The following RBFOX1 variants were observed in gnomAD, a reference collection of about 807,000 sequenced individuals.
RBFOX1 encodes RNA binding fox-1 homolog 1, also known as RNA binding protein fox-1 homolog 1.
A neutral mutation model predicts 57.7 loss-of-function variants in RBFOX1; 8 were observed. The ratio of observed to expected loss-of-function variants is 0.14; its 90% CI spans 0.08 to 0.25. The LOEUF (loss-of-function observed/expected upper bound fraction) is 0.25. Among genes scored for constraint, RBFOX1 ranks in the 10% least tolerant of loss-of-function variants. The pLI, the probability that RBFOX1 is intolerant of heterozygous loss-of-function variation, is 1.00. For synonymous variants in RBFOX1, 326 were observed against 222.4 expected (o/e 1.47, Z -4.15); for missense variants, 611 against 548.5 (o/e 1.11, Z -1.14).
chr16:7,047,962 T>TC (rs921539338), intron 3 of RBFOX1, among the ~76,000 whole-genome samples: 12 of 151,870 alleles, frequency 7.9e-5, no homozygotes, highest in Admixed American at 7.9e-4. Context: ...CACTGCAACC[T>TC]CCCCCTGCCG....
chr16:6,973,923 C>G (rs2153574474), intron 3 of RBFOX1, among the ~76,000 whole-genome samples: 1 of 152,246 alleles, frequency 6.6e-6, no homozygotes, highest in East Asian at 1.9e-4. Context: ...ATCCCTAATG[C>G]TCGTCCCCTC....
At chr16:7,380,213 T>G (rs1263280482) in intron 4 of RBFOX1, among the ~76,000 whole-genome samples, 4 of 152,158 alleles carry the variant, frequency 2.6e-5, no homozygotes, top group Non-Finnish European at 5.9e-5. Flanking sequence ...CATCATGATT[T>G]TAGAGTCAGA....
In RBFOX1 at chr16:6,562,221, G is replaced by GT. The variant is rs2097188196; in HGVS notation, c.-63-92381dup. Reference sequence around the variant, plus strand: ...ACTTGGGTGCCAGCCCTCTGAACTTGTATCAGTGATTTAACCACTTTAAGA... The same window carrying GT: ...ACTTGGGTGCCAGCCCTCTGAACTTGTTATCAGTGATTTAACCACTTTAAGA... On this transcript the variant is annotated intron_variant, in intron 2 of 15. Transcript: ENST00000550418. Among the ~76,000 whole-genome samples, 5 of 152,314 alleles carry GT rather than the reference G, an allele frequency of 3.3e-5. No individual in the cohort carries two copies. In the South Asian group the frequency reaches 1.0e-3, roughly 32 times the overall value.
At chr16:5,764,073 A>G (rs1222821983) in intron 3 of RBFOX1, among the ~76,000 whole-genome samples, 1 of 152,192 alleles carries the variant, frequency 6.6e-6, no homozygotes, top group East Asian at 1.9e-4. Flanking sequence ...TGTCTAATAA[A>G]TACTTAACTA....
chr16:6,005,904 T>A (rs1567247103), intron 4 of RBFOX1, among the ~76,000 whole-genome samples: 1 of 152,148 alleles, frequency 6.6e-6, no homozygotes, highest in Non-Finnish European at 1.5e-5. Context: ...TGCAGTGGGA[T>A]GACAGAAGAG....
At chr16:5,761,167 G>T (rs181675469) in intron 3 of RBFOX1, among the ~76,000 whole-genome samples, 1 of 152,168 alleles carries the variant, frequency 6.6e-6, no homozygotes, top group Admixed American at 6.5e-5. Context: ...CTGTAGATGT[G>T]GGAGGCAGGG....
intron 4 of RBFOX1, among the ~76,000 whole-genome samples, chr16:7,181,533 GCTCT>G (rs1030619079): frequency 6.8e-6 from 1 of 147,234 alleles, no homozygotes; most frequent in Non-Finnish European, 1.5e-5. Flanking sequence ...TCCCTCCCTT[GCTCT>G]CTCTCTCTTT....
chr16:7,557,626 AAAAAAAAAAAAAAAAAGAAAAAG>A (rs895658144), intron 5 of RBFOX1, among the ~76,000 whole-genome samples: 8 of 118,284 alleles, frequency 6.8e-5, no homozygotes, highest in African/African-American at 2.1e-4. Context: ...TCTCAAAAAA[AAAAAAAAAAAAAAAAAGAAAAAG>A]AAAAAAAAAA....
chr16:6,458,674 C>T (rs573940330), intron 2 of RBFOX1, among the ~76,000 whole-genome samples: 46 of 152,308 alleles, frequency 3.0e-4, no homozygotes, highest in African/African-American at 1.0e-3. Flanking sequence ...CCTCAAACCA[C>T]AGGGAAAACA....
At chr16:7,498,716 A>G (rs1338200525) in intron 4 of RBFOX1, among the ~76,000 whole-genome samples, 2 of 152,082 alleles carry the variant, frequency 1.3e-5, no homozygotes, top group African/African-American at 2.4e-5. Flanking sequence ...CCACATTTCA[A>G]CACCCAATGA....
rs986391611 is a variant in RBFOX1 at position 6,860,014 on chromosome 16, G to C, written c.-15-192043G>C. Among the ~76,000 whole-genome samples the C allele has an allele frequency of 1.2e-4, 18 of 152,320 alleles. No individual in the cohort carries two copies. The South Asian group carries it at 3.7e-3, about 32-fold the overall frequency. On this transcript the variant is annotated intron_variant, in intron 3 of 15. Coordinates refer to ENST00000550418, the MANE Select transcript of RBFOX1 (RefSeq NM_018723.4). The stretch of plus-strand genomic sequence containing the variant: ...TGCTCATTGACTGTAAAGTGTAGGA[G>C]TTAACACCACAAGGGTACCTGATGG...
intron 4 of RBFOX1, among the ~76,000 whole-genome samples, chr16:7,230,229 G>C (rs1165685269): frequency 3.3e-5 from 5 of 151,870 alleles, no homozygotes; most frequent in African/African-American, 1.2e-4. Context: ...GAAGACATTT[G>C]GGAAATGATG....
chr16:6,690,761 T>TCTTTC (rs201685234), intron 3 of RBFOX1, among the ~76,000 whole-genome samples: 7 of 149,930 alleles, frequency 4.7e-5, no homozygotes, highest in African/African-American at 1.5e-4. Context: ...TTTCTTTCTT[T>TCTTTC]TTTTTTTTTT....
chr16:7,525,143 A>G (rs972665449), intron 5 of RBFOX1, among the ~76,000 whole-genome samples: 11 of 152,076 alleles, frequency 7.2e-5, no homozygotes, highest in Non-Finnish European at 1.6e-4. Context: ...TATCTCTATC[A>G]TCTGTCTCTA....
At chr16:5,705,859 A>G (rs2051227097) in intron 3 of RBFOX1, among the ~76,000 whole-genome samples, 3 of 152,338 alleles carry the variant, frequency 2.0e-5, no homozygotes, top group Admixed American at 6.5e-5. Context: ...TGGAAACAAA[A>G]TAGGTGCCTG....
At chr16:5,510,503 T>TTTG (rs2050448521) in intron 2 of RBFOX1, among the ~76,000 whole-genome samples, 1 of 151,760 alleles carries the variant, frequency 6.6e-6, no homozygotes, top group South Asian at 2.1e-4. Context: ...CCCACCAAGT[T>TTTG]TTGGCCAAAG....
At chr16:7,287,487 A>T (rs1033522900) in intron 4 of RBFOX1, among the ~76,000 whole-genome samples, 5 of 152,196 alleles carry the variant, frequency 3.3e-5, no homozygotes, top group Non-Finnish European at 7.4e-5. Flanking sequence ...TTGGTGGACC[A>T]AGCCTGTATT....
chr16:6,565,475 T>A (rs891313666), intron 2 of RBFOX1, among the ~76,000 whole-genome samples: 1 of 151,586 alleles, frequency 6.6e-6, no homozygotes, highest in Non-Finnish European at 1.5e-5. Context: ...GCCAGGATGG[T>A]CTCGATCTCC....
intron 3 of RBFOX1, among the ~76,000 whole-genome samples, chr16:6,764,185 C>G (rs1256520348): frequency 6.6e-6 from 1 of 152,166 alleles, no homozygotes; most frequent in Non-Finnish European, 1.5e-5. Flanking sequence ...CCCTCAATAT[C>G]TCCCACTTGA....
Sources: gnomAD v4.1 joint callset for allele counts (sites outside exome capture counted in the v4.1 genomes callset) on GRCh38, gnomAD v4.1.1 for gene constraint, MANE v1.5 for transcripts, NCBI Gene and HGNC (gene_info 2026-07-23, HGNC 2026-07-21) for gene names.